Variants in DCDC1 observed in about 807,000 individuals in gnomAD.
DCDC1 encodes the protein doublecortin domain containing 1, also known as doublecortin domain-containing protein 1.
DCDC1 carries 200 observed loss-of-function variants against 178.3 expected under a neutral mutation model. The ratio of observed to expected loss-of-function variants is 1.12; its 90% CI spans 1.00 to 1.26. The LOEUF is 1.26. Ranked by LOEUF, DCDC1 falls within the 50% of genes most tolerant of loss-of-function variation. DCDC1 has a pLI of 0.00. For missense variants in DCDC1, 1,983 were observed against 1,749.2 expected (o/e 1.13, Z -2.38); for synonymous variants, 690 against 604.8 (o/e 1.14, Z -2.07).
At chr11:30,900,821 A>G (rs752798143) in intron 32 of DCDC1, among the ~76,000 whole-genome samples, 1 of 152,140 alleles carries the variant, frequency 6.6e-6, no homozygotes, top group Non-Finnish European at 1.5e-5. Flanking sequence ...AGGGGAAAGG[A>G]GTATAGGAAT....
intron 17 of DCDC1, among the ~76,000 whole-genome samples, chr11:31,087,021 G>A (rs982396574): frequency 5.9e-5 from 9 of 152,064 alleles, no homozygotes; most frequent in African/African-American, 1.2e-4. Context: ...ATCTGGGTCT[G>A]GAGTTTTCTT....
At chr11:30,930,230 G>A (rs997300278) in intron 22 of DCDC1, among the ~76,000 whole-genome samples, 12 of 152,016 alleles carry the variant, frequency 7.9e-5, no homozygotes, top group African/African-American at 2.9e-4. Flanking sequence ...CACAACTCTA[G>A]GATGCCATTC....
At chr11:31,160,342 G>C (rs1966196871) in intron 9 of DCDC1, among the ~76,000 whole-genome samples, 2 of 151,956 alleles carry the variant, frequency 1.3e-5, no homozygotes, top group African/African-American at 4.8e-5. Context: ...TACTTGATTT[G>C]TGACAACTTT....
chr11:31,167,639 C>A (rs1314925989), intron 9 of DCDC1, among the ~76,000 whole-genome samples: 1 of 152,168 alleles, frequency 6.6e-6, no homozygotes, highest in Non-Finnish European at 1.5e-5. Context: ...TTACACCATT[C>A]TTTCTATAGA....
intron 5 of DCDC1, 97 bp from the exon 6 acceptor site, chr11:31,305,874 C>T (rs1565585116): frequency 5.1e-6 from 7 of 1,367,948 alleles, no homozygotes; most frequent in East Asian, 4.8e-5. Flanking sequence ...AATAGAAACC[C>T]AATTGAGTCA....
At chr11:31,321,979 C>G (rs748092954) in intron 3 of DCDC1, among the ~76,000 whole-genome samples, 28 of 152,298 alleles carry the variant, frequency 1.8e-4, no homozygotes, top group Non-Finnish European at 3.1e-4. Flanking sequence ...TTTAGGATGA[C>G]AAGACACCTA....
At chr11:31,325,405 CACA>C (rs1949592964) in intron 3 of DCDC1, among the ~76,000 whole-genome samples, 3 of 152,098 alleles carry the variant, frequency 2.0e-5, no homozygotes, top group Non-Finnish European at 4.4e-5. Context: ...TTTTTTTAGT[CACA>C]TGACCTCCAA....
intron 20 of DCDC1, among the ~76,000 whole-genome samples, chr11:31,040,045 T>C (rs541882088): frequency 1.3e-5 from 2 of 152,032 alleles, no homozygotes; most frequent in African/African-American, 4.8e-5. Context: ...GGTCAAGCCA[T>C]AGTGGTTTGA....
chr11:30,947,885 C>T (rs1250313464), intron 21 of DCDC1, among the ~76,000 whole-genome samples: 3 of 151,740 alleles, frequency 2.0e-5, no homozygotes, highest in African/African-American at 4.8e-5. Flanking sequence ...AATCAAATAA[C>T]CTAACAAAAA....
At chr11:31,014,190 G>A (rs1029541796) in intron 20 of DCDC1, among the ~76,000 whole-genome samples, 3 of 151,842 alleles carry the variant, frequency 2.0e-5, no homozygotes, top group South Asian at 2.1e-4. Flanking sequence ...GCTCTTGCTC[G>A]CTCTCACTCT....
chr11:31,032,726 T>C (rs990137395), intron 20 of DCDC1, among the ~76,000 whole-genome samples: 1 of 152,208 alleles, frequency 6.6e-6, no homozygotes, highest in East Asian at 1.9e-4. Context: ...TTGTTCCCAT[T>C]GAAAGAAGAG....
chr11:31,145,791 G>A (rs1455175209), intron 9 of DCDC1, among the ~76,000 whole-genome samples: 2 of 152,146 alleles, frequency 1.3e-5, no homozygotes, highest in Non-Finnish European at 2.9e-5. Flanking sequence ...TGATACACTT[G>A]ATTGTCCTTC....
At chr11:30,965,099 C>G (rs936301063) in intron 20 of DCDC1, among the ~76,000 whole-genome samples, 13 of 152,178 alleles carry the variant, frequency 8.5e-5, no homozygotes, top group African/African-American at 3.1e-4. Flanking sequence ...TAAAGCAAAC[C>G]TGCTGCCATT....
chr11:31,049,505 C>T (rs1350236986), intron 20 of DCDC1, among the ~76,000 whole-genome samples: 5 of 152,036 alleles, frequency 3.3e-5, no homozygotes, highest in African/African-American at 4.8e-5. Flanking sequence ...TCATGGTGGA[C>T]GGGAGGCAAG....
intron 12 of DCDC1, among the ~76,000 whole-genome samples, chr11:31,107,739 C>T (rs1162389200): frequency 2.0e-5 from 3 of 152,218 alleles, no homozygotes; most frequent in Middle Eastern, 6.8e-3. Flanking sequence ...TTTCATTATC[C>T]TCTGTCACCT....
At chr11:31,273,755 G>C (rs1198499691) in intron 7 of DCDC1, among the ~76,000 whole-genome samples, 2 of 152,158 alleles carry the variant, frequency 1.3e-5, no homozygotes, top group African/African-American at 4.8e-5. Context: ...TCACACTGCT[G>C]AGAAAGACAT....
chr11:31,368,330 G>A (rs1028631851), intron 1 of DCDC1, among the ~76,000 whole-genome samples: 4 of 152,096 alleles, frequency 2.6e-5, no homozygotes, highest in East Asian at 1.9e-4. Context: ...CTGGAGTACC[G>A]GAGCATATCT....
At chr11:31,068,718 T>C (rs1380731864) in intron 18 of DCDC1, among the ~76,000 whole-genome samples, 1 of 152,202 alleles carries the variant, frequency 6.6e-6, no homozygotes, top group Non-Finnish European at 1.5e-5. Flanking sequence ...CTTTTATTAT[T>C]TAAATGAGAA....
intron 9 of DCDC1, among the ~76,000 whole-genome samples, chr11:31,211,722 T>C (rs538062984): frequency 5.6e-4 from 86 of 152,278 alleles, no homozygotes; most frequent in Non-Finnish European, 6.8e-4. Flanking sequence ...TAAGCAGTTA[T>C]AGTTTACGTT....
Sources: allele counts gnomAD v4.1 joint callset (sites outside exome capture counted in the v4.1 genomes callset), GRCh38; gene constraint gnomAD v4.1.1; transcripts MANE v1.5; gene names NCBI Gene and HGNC (gene_info 2026-07-23, HGNC 2026-07-21).